The following ACTN4 variants were observed in gnomAD, a reference collection of about 807,000 sequenced individuals.
ACTN4 encodes the protein alpha-actinin-4.
In ACTN4, 18 loss-of-function variants were observed where a neutral mutation model predicts 114.2. The observed-to-expected ratio is 0.16, with a 90% CI of 0.11 to 0.23. The LOEUF is 0.23. Ranked by LOEUF, ACTN4 falls within the 10% of genes least tolerant of loss-of-function variation. ACTN4 has a pLI of 1.00. For missense variants in ACTN4, 722 were observed against 1,262.9 expected (o/e 0.57, Z 6.49); for synonymous variants, 515 against 506.3 (o/e 1.02, Z -0.23).
intron 8 of ACTN4, among the ~76,000 whole-genome samples, chr19:38,712,161 C>T (rs1466009235): frequency 2.6e-5 from 4 of 152,212 alleles, no homozygotes; most frequent in South Asian, 2.1e-4. Context: ...TCCCTGTGCA[C>T]ACCCCCAGGA....
At position 38,721,310 on chromosome 19, in the gene ACTN4, G is replaced by T. The variant is rs1020256522; in HGVS notation, c.1292-228G>T. ...GGTTGAGATGGAATCTCTCTCTCAG[G>T]CTGAGCAACCCTGAAGTGTCCATCC... On this transcript the variant is annotated intron_variant, in intron 11 of 20. Coordinates refer to ENST00000252699, the MANE Select transcript of ACTN4 (RefSeq NM_004924.6). Among the ~76,000 whole-genome samples, 3 of 152,224 alleles carry T rather than the reference G, an allele frequency of 2.0e-5. No individual in the cohort carries two copies. In the South Asian group the frequency reaches 6.2e-4, roughly 31 times the overall value.
In ACTN4 at chr19:38,721,630, G is replaced by C; in HGVS notation, c.1384G>C (p.Asp462His). Reference sequence around the variant, plus strand: ...TCGCAAGCACGAGGCCTTCGAGAGCGACCTGGCTGCGCACCAGGACCGCGT... The same window carrying C: ...TCGCAAGCACGAGGCCTTCGAGAGCCACCTGGCTGCGCACCAGGACCGCGT... ...LIRKHEAFES[D>H]LAAHQDRVEQ... The change falls in exon 12 of 21, where the codon GAC (aspartate) becomes CAC (histidine). Residue 462 changes from aspartate to histidine, a missense_variant. Coordinates refer to ENST00000252699, the MANE Select transcript of ACTN4 (RefSeq NM_004924.6). 2 of 1,614,036 alleles carry C rather than the reference G, an allele frequency of 1.2e-6. No homozygotes were observed. The highest frequency in any genetic ancestry group is 2.2e-5 in the South Asian group (2 of 91,090).
chr19:38,710,108 A>AG, intron 7 of ACTN4, 149 bp from the exon 8 acceptor site: 5 of 799,800 alleles, frequency 6.3e-6, no homozygotes, highest in Non-Finnish European at 1.1e-5. Context: ...GGAGGGGCTG[A>AG]GGGTGTGGCT....
rs34899917 is a variant in ACTN4 at position 38,691,401 on chromosome 19, C to CAAAA, written c.163-9189_163-9186dup. Among the ~76,000 whole-genome samples, 36 of 52,856 alleles carry CAAAA rather than the reference C, an allele frequency of 6.8e-4. 1 individual carries two copies. The East Asian group carries it at 0.011, about 15-fold the overall frequency. The allele number at this position is 52,856 out of a possible 152,430, so 34.7% of individuals were successfully genotyped here. A position where few individuals can be genotyped will look rare whatever the true frequency, so the allele number is the denominator to read the frequency against. On this transcript the variant is annotated intron_variant, in intron 1 of 20. Transcript: ENST00000252699. ...GGGCAACAAAAGTGAAACTCCGTCT[C>CAAAA]AAAAAAAAAAAAACAAAAAAAACAA...
chr19:38,729,117 A>G lies in ACTN4; in HGVS notation c.2540A>G (p.Gln847Arg), dbSNP rs1401214011. 6.2e-7 allele frequency: 1 copy of G among 1,613,168 alleles called. No individual in the cohort carries two copies. The highest frequency in any genetic ancestry group is 8.5e-7 in the Non-Finnish European group (1 of 1,179,996). Residue 847 changes from glutamine to arginine, a missense_variant, in exon 20 of 21, where the codon CAG (glutamine) becomes CGG (arginine). By Grantham distance (43) the Gln-to-Arg change is conservative. This residue lies in a region of ACTN4 where 523 missense variants were observed against 875.9 expected (regional missense o/e 0.60). Coordinates refer to ENST00000252699, the MANE Select transcript of ACTN4 (RefSeq NM_004924.6). ...ACCACCGACACGGACACGGCTGACC[A>G]GGTCATCGCTTCCTTCAAGGTCTTA... is the stretch of plus-strand genomic sequence containing the variant. ...RETTDTDTAD[Q>R]VIASFKVLAG... is the part of the protein sequence containing the mutation.
At chr19:38,693,999 C>T (rs1004606832) in intron 1 of ACTN4, among the ~76,000 whole-genome samples, 4 of 152,160 alleles carry the variant, frequency 2.6e-5, no homozygotes, top group African/African-American at 4.8e-5. Flanking sequence ...ATAGGCTGCC[C>T]GTGTGCAGGG....
At chr19:38,711,948 G>A (rs773814334) in intron 8 of ACTN4, among the ~76,000 whole-genome samples, 3 of 152,224 alleles carry the variant, frequency 2.0e-5, no homozygotes, top group Non-Finnish European at 2.9e-5. Flanking sequence ...GGCCCTCAGC[G>A]TTCACGCAGA....
At chr19:38,678,726 T>G (rs564119465) in intron 1 of ACTN4, among the ~76,000 whole-genome samples, 1 of 152,300 alleles carries the variant, frequency 6.6e-6, no homozygotes, top group South Asian at 2.1e-4. Context: ...CCTCCACACC[T>G]TCTTCGCTGT....
chr19:38,669,658 G>A (rs1316255652), intron 1 of ACTN4, among the ~76,000 whole-genome samples: 1 of 152,156 alleles, frequency 6.6e-6, no homozygotes, highest in Non-Finnish European at 1.5e-5. Flanking sequence ...GCTGCATTTG[G>A]TGCCACATTT....
At chr19:38,662,948 G>T (rs1282636039) in intron 1 of ACTN4, among the ~76,000 whole-genome samples, 1 of 149,718 alleles carries the variant, frequency 6.7e-6, no homozygotes, top group Non-Finnish European at 1.5e-5. Flanking sequence ...CCCTCTTGTT[G>T]TTCAGGAGTG....
rs371829169 is a variant in ACTN4 at position 38,728,410 on chromosome 19, GCTC to G, written c.2418+422_2418+424del. The stretch of plus-strand genomic sequence containing the variant: ...TGCAGCTCTGTCTCCCCAGCCACCC[GCTC>G]CTCCTCCTCCTCCTCCTCCTCCTCC... On this transcript the variant is annotated intron_variant, in intron 19 of 20. Coordinates refer to ENST00000252699, the MANE Select transcript of ACTN4 (RefSeq NM_004924.6). The G allele has an allele frequency of 8.4e-3, 6,444 of 762,968 alleles. 51 individuals are homozygous for G. Among genetic ancestry groups the G allele is most frequent in the African/African-American group, 0.036 (1,422 of 39,294 alleles). The allele number at this position is 762,968 out of a possible 1,614,324, so 47.3% of individuals were successfully genotyped here.
At chr19:38,695,537 G>T (rs188525918) in intron 1 of ACTN4, among the ~76,000 whole-genome samples, 203 of 152,288 alleles carry the variant, frequency 1.3e-3, no homozygotes, top group African/African-American at 4.6e-3. Context: ...TCTTCACCCT[G>T]CTTTATTCCT....
Position 38,731,072 on chromosome 19 carries a change from C to A in ACTN4, c.*1640C>A. On this transcript the variant is annotated 3_prime_UTR_variant, in exon 21 of 21. Transcript: ENST00000252699. ...GTGCCCACCAGTCCCCGTACCCCTT[C>A]CCCCCATGCCCCACCATGCCGGGGT... 13 of 1,573,392 alleles carry A rather than the reference C, an allele frequency of 8.3e-6. No homozygotes were observed. The highest frequency in any genetic ancestry group is 1.0e-5 in the Non-Finnish European group (12 of 1,159,236).
Position 38,700,642 on chromosome 19 carries a change from A to G in ACTN4, c.205A>G (p.Thr69Ala). 1 of 1,614,166 alleles carries G rather than the reference A, an allele frequency of 6.2e-7. No individual in the cohort carries two copies. Among genetic ancestry groups the G allele is most frequent in the Non-Finnish European group, 8.5e-7 (1 of 1,180,034 alleles). ...CAACTCCCACCTGCGGAAGGCAGGC[A>G]CACAGATCGAGAACATTGATGAGGA... The part of the protein sequence containing the change: ...WCNSHLRKAG[T>A]QIENIDEDFR... Residue 69 changes from threonine to alanine, a missense_variant, in exon 2 of 21, where the codon ACA becomes GCA. Physicochemically the swap from Thr to Ala is moderately conservative, Grantham distance 58. This residue lies in a region of ACTN4 where 127 missense variants were observed against 311.3 expected (regional missense o/e 0.41). Coordinates refer to ENST00000252699, the MANE Select transcript of ACTN4 (RefSeq NM_004924.6).
chr19:38,652,192 A>G (rs1208035125), intron 1 of ACTN4, among the ~76,000 whole-genome samples: 1 of 152,188 alleles, frequency 6.6e-6, no homozygotes, highest in Non-Finnish European at 1.5e-5. Flanking sequence ...CTTGACAAAA[A>G]AAAAGGAACC....
At chr19:38,712,981 G>T (rs928705418) in intron 8 of ACTN4, among the ~76,000 whole-genome samples, 2 of 152,082 alleles carry the variant, frequency 1.3e-5, no homozygotes, top group Admixed American at 6.5e-5. Context: ...GTGGAGGCCC[G>T]GCTGCAGGGC....
intron 1 of ACTN4, among the ~76,000 whole-genome samples, chr19:38,663,482 C>T (rs558855923): frequency 1.6e-4 from 25 of 152,274 alleles, no homozygotes; most frequent in Admixed American, 1.6e-3. Context: ...GACAAGCTCA[C>T]AGCACTCTAG....
At chr19:38,705,126 GT>G in intron 4 of ACTN4, 106 bp downstream of exon 4, 1 of 1,103,030 alleles carries the variant, frequency 9.1e-7, no homozygotes, top group Non-Finnish European at 1.4e-6. Flanking sequence ...TTTCCTTGGG[GT>G]CACTCACAGG....
intron 8 of ACTN4, among the ~76,000 whole-genome samples, chr19:38,711,700 C>G (rs1439448227): frequency 6.6e-6 from 1 of 152,234 alleles, no homozygotes; most frequent in Non-Finnish European, 1.5e-5. Flanking sequence ...CGTTCCCACT[C>G]GCCCTGTCCA....
Sources: allele counts gnomAD v4.1 joint callset (sites outside exome capture counted in the v4.1 genomes callset), GRCh38; gene constraint gnomAD v4.1.1; regional missense constraint gnomAD v4.1.1; transcripts MANE v1.5; gene names NCBI Gene and HGNC (gene_info 2026-07-23, HGNC 2026-07-21).